The following EPC2 variants were observed in gnomAD, a reference collection of about 807,000 sequenced individuals.
EPC2 encodes enhancer of polycomb 2.
In EPC2, 14 loss-of-function variants were observed where a neutral mutation model predicts 92.1. The ratio of observed to expected loss-of-function variants is 0.15; its 90% CI spans 0.10 to 0.24. The LOEUF is 0.24. Among genes scored for constraint, EPC2 ranks in the 10% least tolerant of loss-of-function variants. EPC2 has a pLI of 1.00. For synonymous variants in EPC2, 340 were observed against 334.7 expected (o/e 1.02, Z -0.17); for missense variants, 755 against 971.5 (o/e 0.78, Z 2.96).
intron 1 of EPC2, among the ~76,000 whole-genome samples, chr2:148,652,109 G>A (rs981217723): frequency 1.3e-5 from 2 of 152,110 alleles, no homozygotes; most frequent in African/African-American, 2.4e-5. Context: ...AGCGTTATTG[G>A]TCTGGCTTGC....
chr2:148,780,014 T>C (rs1683718154), intron 10 of EPC2, among the ~76,000 whole-genome samples: 1 of 152,226 alleles, frequency 6.6e-6, no homozygotes, highest in South Asian at 2.1e-4. Context: ...TCATGAATAC[T>C]TCACATTTTC....
intron 1 of EPC2, among the ~76,000 whole-genome samples, chr2:148,667,685 A>G (rs1157656062): frequency 6.6e-6 from 1 of 152,170 alleles, no homozygotes; most frequent in Non-Finnish European, 1.5e-5. Context: ...CTCCAGTACA[A>G]TATTGAATAG....
intron 2 of EPC2, among the ~76,000 whole-genome samples, chr2:148,726,627 A>G (rs185649622): frequency 9.9e-5 from 15 of 151,300 alleles, no homozygotes; most frequent in Admixed American, 8.5e-4. Flanking sequence ...GTTTTTTAAT[A>G]CTTAAAGAAT....
chr2:148,748,730 CAA>C (rs201514929), intron 3 of EPC2, among the ~76,000 whole-genome samples: 2,137 of 151,944 alleles, frequency 0.014, 50 homozygotes, highest in African/African-American at 0.049. Context: ...GTGAATGAAA[CAA>C]AGTTTTGACT....
chr2:148,698,842 A>T (rs2382241), intron 2 of EPC2, among the ~76,000 whole-genome samples: 6,558 of 81,480 alleles, frequency 0.08, 176 homozygotes, highest in African/African-American at 0.11. Flanking sequence ...TTTTTTTTTT[A>T]AAAAAAAAGC....
intron 1 of EPC2, among the ~76,000 whole-genome samples, chr2:148,664,755 C>G (rs2105357109): frequency 6.6e-6 from 1 of 152,260 alleles, no homozygotes; most frequent in South Asian, 2.1e-4. Context: ...TTTTTCTTTG[C>G]TCTAGCTTCT....
At chr2:148,746,084 G>C (rs1682979672) in intron 3 of EPC2, among the ~76,000 whole-genome samples, 1 of 151,690 alleles carries the variant, frequency 6.6e-6, no homozygotes, top group Admixed American at 6.6e-5. Flanking sequence ...TCTTTTGCTT[G>C]ATCCCTTTCA....
chr2:148,704,598 C>T (rs1389634453), intron 2 of EPC2, among the ~76,000 whole-genome samples: 1 of 152,210 alleles, frequency 6.6e-6, no homozygotes, highest in Non-Finnish European at 1.5e-5. Context: ...AATCCCTGTT[C>T]TTGATGAGTC....
chr2:148,696,701 A>G (rs555149133), intron 2 of EPC2, among the ~76,000 whole-genome samples: 43 of 152,350 alleles, frequency 2.8e-4, no homozygotes, highest in Non-Finnish European at 5.9e-4. Context: ...TGATTGTGTT[A>G]GGAGGAGTTA....
At chr2:148,760,786 AAG>A (rs1214046551) in intron 4 of EPC2, among the ~76,000 whole-genome samples, 5 of 152,194 alleles carry the variant, frequency 3.3e-5, no homozygotes, top group African/African-American at 4.8e-5. Context: ...ACAAAAGAAA[AAG>A]AGTATAACTT....
At chr2:148,777,990 A>G (rs946716459) in intron 10 of EPC2, among the ~76,000 whole-genome samples, 1 of 152,186 alleles carries the variant, frequency 6.6e-6, no homozygotes, top group Non-Finnish European at 1.5e-5. Flanking sequence ...AAAAGGGAAA[A>G]TCCTGTAACA....
chr2:148,663,192 TTG>T (rs1491547840), intron 1 of EPC2, among the ~76,000 whole-genome samples: 4 of 129,810 alleles, frequency 3.1e-5, no homozygotes, highest in Non-Finnish European at 6.4e-5. Flanking sequence ...TACTGTGTTT[TTG>T]TATTATTATT....
intron 1 of EPC2, among the ~76,000 whole-genome samples, chr2:148,683,512 C>T (rs188655692): frequency 1.3e-5 from 2 of 152,242 alleles, no homozygotes; most frequent in Admixed American, 6.5e-5. Context: ...GTGATCCACC[C>T]ACCTCGGCCT....
chr2:148,766,367 T>C (rs1389506743), intron 7 of EPC2, among the ~76,000 whole-genome samples: 1 of 152,220 alleles, frequency 6.6e-6, no homozygotes, highest in African/African-American at 2.4e-5. Context: ...TTTTCACCAA[T>C]TGGTTTTTCT....
chr2:148,688,807 A>G (rs1054473189), intron 1 of EPC2, among the ~76,000 whole-genome samples: 1 of 152,198 alleles, frequency 6.6e-6, no homozygotes, highest in Non-Finnish European at 1.5e-5. Flanking sequence ...ACTAGGCATT[A>G]GGGATAAGAA....
chr2:148,776,084 A>G (rs545866228), intron 10 of EPC2, among the ~76,000 whole-genome samples: 90 of 152,132 alleles, frequency 5.9e-4, no homozygotes, highest in African/African-American at 2.1e-3. Context: ...CCCGGCCAAT[A>G]TGACTAATTT....
At chr2:148,769,046 A>T in intron 7 of EPC2, 105 bp from the exon 8 acceptor site, 1 of 770,024 alleles carries the variant, frequency 1.3e-6, no homozygotes, top group East Asian at 2.8e-5. Flanking sequence ...GATATGTAAT[A>T]TAGAAGTGAT....
intron 7 of EPC2, among the ~76,000 whole-genome samples, chr2:148,766,067 A>G (rs984845266): frequency 5.3e-5 from 8 of 150,096 alleles, no homozygotes; most frequent in African/African-American, 2.0e-4. Flanking sequence ...AAAAAGATCC[A>G]TTTTTTTTTT....
intron 6 of EPC2, 89 bp downstream of exon 6, chr2:148,762,891 G>A (rs1297694172): frequency 2.1e-6 from 3 of 1,404,016 alleles, no homozygotes; most frequent in Non-Finnish European, 2.8e-6. Flanking sequence ...TATGGTTTGA[G>A]TAAAGAAAAA....
Sources: gnomAD v4.1 joint callset for allele counts (sites outside exome capture counted in the v4.1 genomes callset) on GRCh38, gnomAD v4.1.1 for gene constraint, MANE v1.5 for transcripts, NCBI Gene and HGNC (gene_info 2026-07-23, HGNC 2026-07-21) for gene names.